KCNK10: variants seen among roughly 807,000 people sequenced by gnomAD.
KCNK10 encodes potassium channel subfamily K member 10.
Under a neutral mutation model 47.7 loss-of-function variants are expected in KCNK10, and 25 were observed. The observed-to-expected ratio is 0.52, with a 90% CI of 0.38 to 0.73. The LOEUF (loss-of-function observed/expected upper bound fraction) is 0.73, where lower values mean the gene tolerates loss of function less well. Ranked by LOEUF, KCNK10 falls within the 30% of genes least tolerant of loss-of-function variation. KCNK10 has a pLI of 0.00. For synonymous variants in KCNK10, 303 were observed against 285.6 expected (o/e 1.06, Z -0.61); for missense variants, 563 against 714.5 (o/e 0.79, Z 2.42).
At chr14:88,202,470 C>A (rs544078746) in intron 4 of KCNK10, among the ~76,000 whole-genome samples, 1 of 152,328 alleles carries the variant, frequency 6.6e-6, no homozygotes, top group South Asian at 2.1e-4. Context: ...GTGACCCAGG[C>A]TTTCCCAGCC....
rs1245238215 is a variant in KCNK10, at chr14:88,184,628, T to C, written c.*907A>G. On this transcript the variant is annotated 3_prime_UTR_variant, in exon 7 of 7. Transcript: ENST00000319231. ...ACAGAACAGCAAGCCACTGGCATCA[T>C]GCAAGGCAATTGTTTTGGTATTTCT... 1 of 152,376 alleles carries C rather than the reference T, an allele frequency of 6.6e-6. No homozygotes were observed. Among genetic ancestry groups the C allele is most frequent in the Non-Finnish European group, 1.5e-5 (1 of 68,052 alleles). 9.4% of individuals were successfully genotyped at this position (152,376 alleles called of 1,614,324 possible). A position where few individuals can be genotyped will look rare whatever the true frequency, so the allele number is the denominator to read the frequency against.
chr14:88,295,750 G>A (rs989961471), intron 1 of KCNK10, among the ~76,000 whole-genome samples: 1 of 152,056 alleles, frequency 6.6e-6, no homozygotes, highest in Non-Finnish European at 1.5e-5. Context: ...TCATTGACAG[G>A]AGAACACCTC....
intron 2 of KCNK10, among the ~76,000 whole-genome samples, chr14:88,258,555 G>A (rs532680019): frequency 6.6e-6 from 1 of 152,242 alleles, no homozygotes; most frequent in East Asian, 1.9e-4. Flanking sequence ...TCCCACAGTG[G>A]TGGGATTACA....
At chr14:88,302,924 T>C (rs1234997717) in intron 1 of KCNK10, among the ~76,000 whole-genome samples, 1 of 152,100 alleles carries the variant, frequency 6.6e-6, no homozygotes, top group African/African-American at 2.4e-5. Context: ...TGACAACATT[T>C]CAAAGAAGAT....
chr14:88,258,248 T>C (rs979322546), intron 2 of KCNK10, among the ~76,000 whole-genome samples: 4 of 152,118 alleles, frequency 2.6e-5, no homozygotes, highest in African/African-American at 7.2e-5. Flanking sequence ...CCACATTCTA[T>C]TGATGAAGAA....
At chr14:88,281,842 G>GTGTGTT (rs1491005502) in intron 1 of KCNK10, among the ~76,000 whole-genome samples, 4 of 151,612 alleles carry the variant, frequency 2.6e-5, no homozygotes, top group Admixed American at 2.6e-4. Context: ...GTGTGTGTGT[G>GTGTGTT]TGTGTGTGTG....
At chr14:88,206,861 T>C (rs1024267432) in intron 4 of KCNK10, among the ~76,000 whole-genome samples, 2 of 152,172 alleles carry the variant, frequency 1.3e-5, no homozygotes, top group African/African-American at 2.4e-5. Flanking sequence ...AGTAAAGGAG[T>C]ATTCATAAAT....
At chr14:88,324,703 C>G (rs889224520), upstream of KCNK10, among the ~76,000 whole-genome samples, 2 of 152,152 alleles carry the variant, frequency 1.3e-5, no homozygotes, top group Non-Finnish European at 1.5e-5. Context: ...TGCCTGCCAG[C>G]TGGGGTCCTA....
chr14:88,320,012 C>T (rs957710131), intron 1 of KCNK10, among the ~76,000 whole-genome samples: 1 of 152,168 alleles, frequency 6.6e-6, no homozygotes, highest in African/African-American at 2.4e-5. Flanking sequence ...CACCTCACTC[C>T]TCACTCTCTT....
chr14:88,326,083 G>GC (rs1302666280), upstream of KCNK10, among the ~76,000 whole-genome samples: 1 of 148,690 alleles, frequency 6.7e-6, no homozygotes, highest in Non-Finnish European at 1.5e-5. Flanking sequence ...ACTGGATGCC[G>GC]CCCCCTCCTT....
chr14:88,301,929 G>A (rs1268194282), intron 1 of KCNK10, among the ~76,000 whole-genome samples: 4 of 152,146 alleles, frequency 2.6e-5, no homozygotes, highest in Admixed American at 6.5e-5. Flanking sequence ...GTTCCACGGA[G>A]GATCAATTAT....
At chr14:88,202,153 G>A (rs1464740629) in intron 4 of KCNK10, among the ~76,000 whole-genome samples, 1 of 152,162 alleles carries the variant, frequency 6.6e-6, no homozygotes, top group Non-Finnish European at 1.5e-5. Flanking sequence ...CCCATGTTAG[G>A]AGAAAGATTA....
intron 2 of KCNK10, among the ~76,000 whole-genome samples, chr14:88,262,502 C>T (rs1022015697): frequency 6.6e-6 from 1 of 152,182 alleles, no homozygotes; most frequent in African/African-American, 2.4e-5. Flanking sequence ...CACAGTCCAC[C>T]CCTGCCAAGT....
intron 3 of KCNK10, chr14:88,235,303 G>A: frequency 2.2e-6 from 1 of 453,856 alleles, no homozygotes; most frequent in Non-Finnish European, 4.4e-6. Context: ...TTAAAAAGAA[G>A]TTGACCCAGC....
intron 2 of KCNK10, among the ~76,000 whole-genome samples, chr14:88,253,329 A>G (rs554948231): frequency 1.3e-5 from 2 of 152,300 alleles, no homozygotes; most frequent in East Asian, 3.9e-4. Flanking sequence ...ACAGTTAACA[A>G]TAATCTAGTA....
At chr14:88,326,631 A>C (rs1332456672), upstream of KCNK10, 1 of 592,030 alleles carries the variant, frequency 1.7e-6, no homozygotes, top group Non-Finnish European at 3.0e-6. Context: ...CCAGCAGGAG[A>C]CCCGGGCTGG....
chr14:88,283,502 T>C (rs1022400892), intron 1 of KCNK10, among the ~76,000 whole-genome samples: 9 of 152,238 alleles, frequency 5.9e-5, no homozygotes, highest in Non-Finnish European at 1.0e-4. Context: ...AAACTAAAAA[T>C]ATCCAACAGC....
intron 1 of KCNK10, among the ~76,000 whole-genome samples, chr14:88,315,743 T>C (rs928580612): frequency 6.6e-6 from 1 of 152,178 alleles, no homozygotes; most frequent in African/African-American, 2.4e-5. Context: ...ATTTTCATTT[T>C]CTATTCAAGC....
chr14:88,314,484 A>G (rs1278559677), intron 1 of KCNK10, among the ~76,000 whole-genome samples: 1 of 152,226 alleles, frequency 6.6e-6, no homozygotes, highest in Non-Finnish European at 1.5e-5. Context: ...CAACTATGAT[A>G]CACTGCTAAT....
Sources: gnomAD v4.1 joint callset for allele counts (sites outside exome capture counted in the v4.1 genomes callset) on GRCh38, gnomAD v4.1.1 for gene constraint, MANE v1.5 for transcripts, NCBI Gene and HGNC (gene_info 2026-07-23, HGNC 2026-07-21) for gene names.